LYST: variants seen among roughly 807,000 people sequenced by gnomAD.
The protein encoded by LYST is lysosomal-trafficking regulator.
LYST carries 192 observed loss-of-function variants against 413.6 expected under a neutral mutation model. That is an observed-to-expected ratio of 0.46 (90% confidence interval 0.41 to 0.52). The LOEUF (loss-of-function observed/expected upper bound fraction) is 0.52, where lower values mean the gene tolerates loss of function less well. LYST is among the 20% of genes least tolerant of loss of function. The pLI is 0.00. For missense variants in LYST, 3,815 were observed against 4,499.9 expected (o/e 0.85, Z 4.35); for synonymous variants, 1,525 against 1,567.3 (o/e 0.97, Z 0.64).
Position 235,787,330 on chromosome 1 carries a change from C to T in LYST, c.4732G>A (p.Ala1578Thr). 1.2e-6 allele frequency: 2 copies of T among 1,613,746 alleles called. No individual in the cohort carries two copies. Among genetic ancestry groups the T allele is most frequent in the Admixed American group, 1.7e-5 (1 of 59,998 alleles). The change falls in exon 14 of 53, where the codon GCA becomes ACA. Residue 1578 changes from alanine to threonine, a missense_variant. Transcript: ENST00000389793. Reference sequence around the variant, plus strand: ...ATATTCTCCTGTGATTCAACCTGTGCTAGTAAAACAGCTTTCATGTCATCA... The same window carrying T: ...ATATTCTCCTGTGATTCAACCTGTGTTAGTAAAACAGCTTTCATGTCATCA... ...SNDDMKAVLLAQVESQENIFL... is the reference protein window; with the variant it reads ...SNDDMKAVLLTQVESQENIFL...
At chr1:235,681,470 TG>T (rs972898177) in intron 48 of LYST, among the ~76,000 whole-genome samples, 1 of 152,026 alleles carries the variant, frequency 6.6e-6, no homozygotes. Context: ...AGGACTAATG[TG>T]ATGCAGTCGG....
chr1:235,770,989 C>A (rs1224207943), intron 19 of LYST, among the ~76,000 whole-genome samples: 1 of 152,086 alleles, frequency 6.6e-6, no homozygotes, highest in East Asian at 1.9e-4. Context: ...CCTAATTGAC[C>A]TTTCAATAAA....
intron 45 of LYST, among the ~76,000 whole-genome samples, chr1:235,698,696 C>CT (rs2103090032): frequency 6.6e-6 from 1 of 152,070 alleles, no homozygotes; most frequent in South Asian, 2.1e-4. Context: ...ATGGTGAAAC[C>CT]CTGTCTCTAC....
chr1:235,872,606 AT>A (rs1680983227), intron 1 of LYST, among the ~76,000 whole-genome samples: 1 of 152,088 alleles, frequency 6.6e-6, no homozygotes, highest in African/African-American at 2.4e-5. Flanking sequence ...AGGTCAGAGA[AT>A]TTTTTTATGG....
chr1:235,882,432 G>C (rs987452688), intron 1 of LYST, among the ~76,000 whole-genome samples: 1 of 152,210 alleles, frequency 6.6e-6, no homozygotes, highest in African/African-American at 2.4e-5. Flanking sequence ...AGCTACTGGA[G>C]TCCATTAAGC....
At chr1:235,727,247 C>T (rs998682555) in intron 38 of LYST, among the ~76,000 whole-genome samples, 4 of 151,374 alleles carry the variant, frequency 2.6e-5, no homozygotes, top group African/African-American at 9.7e-5. Context: ...CTCAGCCTCC[C>T]GAGTAGCTGG....
At chr1:235,841,863 G>A (rs888080258) in intron 1 of LYST, among the ~76,000 whole-genome samples, 1 of 152,216 alleles carries the variant, frequency 6.6e-6, no homozygotes, top group Non-Finnish European at 1.5e-5. Context: ...TCTGCTTAAA[G>A]AAGAGAGTCT....
intron 8 of LYST, among the ~76,000 whole-genome samples, chr1:235,801,422 C>CCG (rs1553303241): frequency 3.3e-5 from 5 of 151,494 alleles, no homozygotes; most frequent in African/African-American, 1.2e-4. Flanking sequence ...CTGACCCCCC[C>CCG]CTCAAATACC....
rs575211752 is a variant in LYST, at chr1:235,725,433, T to TA, written c.9163-1254dup. Among the ~76,000 whole-genome samples, 481 of 151,798 alleles carry TA rather than the reference T, an allele frequency of 3.2e-3. 3 individuals are homozygous for TA. The highest frequency in any genetic ancestry group is 9.8e-3 in the African/African-American group (407 of 41,412). ...TCAGTGACAGAGTGAGACTCTGTCT[T>TA]AAAAAAATAAAAAATAACAAAATAA... On this transcript the variant is annotated intron_variant, in intron 38 of 52. Transcript: ENST00000389793.
chr1:235,730,031 ATTAT>A (rs983733160), intron 36 of LYST, among the ~76,000 whole-genome samples: 23 of 151,744 alleles, frequency 1.5e-4, no homozygotes, highest in African/African-American at 4.8e-4. Context: ...ATTATTTTGT[ATTAT>A]TTATTTGTTA....
intron 38 of LYST, 136 bp from the exon 39 acceptor site, chr1:235,724,316 C>T: frequency 1.4e-6 from 1 of 702,924 alleles, no homozygotes; most frequent in Non-Finnish European, 2.4e-6. Context: ...TACCTGAAAA[C>T]TCTCCCAATG....
chr1:235,765,149 T>C (rs1017086952), intron 21 of LYST, among the ~76,000 whole-genome samples: 1 of 152,162 alleles, frequency 6.6e-6, no homozygotes, highest in Non-Finnish European at 1.5e-5. Context: ...TCATTCCCAA[T>C]TGCCTACTAG....
chr1:235,866,088 T>C (rs973759285), intron 1 of LYST, among the ~76,000 whole-genome samples: 4 of 152,204 alleles, frequency 2.6e-5, no homozygotes, highest in African/African-American at 9.7e-5. Flanking sequence ...AAAGCCTCTG[T>C]ATCCCCTGGA....
At chr1:235,757,248 A>T (rs756915263) in intron 24 of LYST, 33 bp downstream of exon 24, 1 of 1,451,148 alleles carries the variant, frequency 6.9e-7, no homozygotes, top group Admixed American at 1.7e-5. Context: ...TATTTTTCTG[A>T]ATTAAAATAA....
chr1:235,821,372 G>A (rs1407470764), intron 3 of LYST, among the ~76,000 whole-genome samples: 2 of 152,194 alleles, frequency 1.3e-5, no homozygotes, highest in Non-Finnish European at 2.9e-5. Context: ...GGGAGGCAGA[G>A]GTTGCAGAGG....
intron 1 of LYST, among the ~76,000 whole-genome samples, chr1:235,836,262 G>A (rs1034193187): frequency 5.9e-5 from 9 of 152,290 alleles, no homozygotes; most frequent in African/African-American, 1.9e-4. Flanking sequence ...CTGTATGTGA[G>A]CTACTAATTT....
intron 27 of LYST, 123 bp downstream of exon 27, chr1:235,751,882 C>T (rs1287193599): frequency 1.3e-5 from 10 of 756,214 alleles, no homozygotes; most frequent in South Asian, 3.5e-5. Flanking sequence ...CTGATAGATA[C>T]TATTACAAAA....
intron 1 of LYST, among the ~76,000 whole-genome samples, chr1:235,872,985 G>A (rs934387270): frequency 6.6e-6 from 1 of 152,182 alleles, no homozygotes; most frequent in Admixed American, 6.5e-5. Context: ...TTGTGGTGGA[G>A]GAGTTCTACT....
At chr1:235,862,895 C>T (rs991509448) in intron 1 of LYST, among the ~76,000 whole-genome samples, 2 of 151,770 alleles carry the variant, frequency 1.3e-5, no homozygotes, top group South Asian at 2.1e-4. Flanking sequence ...CACTTCTGCT[C>T]GGCTCATGAG....
Sources: allele counts gnomAD v4.1 joint callset (sites outside exome capture counted in the v4.1 genomes callset), GRCh38; gene constraint gnomAD v4.1.1; transcripts MANE v1.5; gene names NCBI Gene and HGNC (gene_info 2026-07-23, HGNC 2026-07-21).